Variants in RNF6 observed in about 807,000 individuals in gnomAD.
RNF6 encodes the protein E3 ubiquitin-protein ligase RNF6.
In RNF6, 21 loss-of-function variants were observed where a neutral mutation model predicts 50.1. The ratio of observed to expected loss-of-function variants is 0.42; its 90% CI spans 0.30 to 0.60. The LOEUF (loss-of-function observed/expected upper bound fraction) is 0.60, where lower values mean the gene tolerates loss of function less well. Among genes scored for constraint, RNF6 ranks in the 20% least tolerant of loss-of-function variants. The pLI, the probability that RNF6 is intolerant of heterozygous loss-of-function variation, is 0.20. For synonymous variants in RNF6, 255 were observed against 291.8 expected (o/e 0.87, Z 1.29); for missense variants, 698 against 838.2 (o/e 0.83, Z 2.07).
At chr13:26,186,403 T>C (rs998249706) in intron 5 of RNF6, among the ~76,000 whole-genome samples, 13 of 152,236 alleles carry the variant, frequency 8.5e-5, no homozygotes, top group African/African-American at 2.9e-4. Context: ...AACGCGCTCG[T>C]TGGGCCGCAG....
At chr13:26,161,080 A>T (rs1430161834) in intron 5 of RNF6, among the ~76,000 whole-genome samples, 1 of 152,196 alleles carries the variant, frequency 6.6e-6, no homozygotes. Flanking sequence ...AAAAGAAAAA[A>T]AAGTTATCCT....
At chr13:26,211,439 A>G (rs1394815391), downstream of RNF6, among the ~76,000 whole-genome samples, 2 of 152,144 alleles carry the variant, frequency 1.3e-5, no homozygotes, top group Non-Finnish European at 2.9e-5. Flanking sequence ...CCAGGGAGGT[A>G]GAACTTCCTG....
chr13:26,220,755 G>A (rs1253409022), intron 2 of RNF6, among the ~76,000 whole-genome samples: 1 of 152,206 alleles, frequency 6.6e-6, no homozygotes, highest in Non-Finnish European at 1.5e-5. Flanking sequence ...TACAGCACCT[G>A]ACTCAGTAGA....
At position 26,213,807 on chromosome 13, in the gene RNF6, G is replaced by A. The variant is rs755801417; in HGVS notation, c.*17C>T. 1 of 1,568,562 alleles carries A rather than the reference G, an allele frequency of 6.4e-7. No individual in the cohort carries two copies. Among genetic ancestry groups the A allele is most frequent in the Non-Finnish European group, 8.7e-7 (1 of 1,152,782 alleles). On this transcript the variant is annotated 3_prime_UTR_variant, in exon 5 of 5. Transcript: ENST00000381588. ...TCAGTTCTACTAAAAAACAGTATTT[G>A]AGTAGATCCCATCACCTTACCCATT...
rs888922381 is a variant in RNF6, at chr13:26,175,284, T to C, written n.768+40190A>G. Among the ~76,000 whole-genome samples, 3 of 152,190 alleles carry C rather than the reference T, an allele frequency of 2.0e-5. No homozygotes were observed. The East Asian group carries it at 5.8e-4, about 29-fold the overall frequency. The stretch of plus-strand genomic sequence containing the variant: ...TTAGTAGAGACGGGGTTTGGCCATG[T>C]TGGCCAGGCTGGTCTCAAACTCCTG... On this transcript the variant is annotated intron_variant and non_coding_transcript_variant, in intron 5 of 5. Coordinates refer to the RNF6 transcript ENST00000468480.
chr13:26,167,134 A>G (rs1872490239), intron 5 of RNF6, among the ~76,000 whole-genome samples: 1 of 152,250 alleles, frequency 6.6e-6, no homozygotes, highest in African/African-American at 2.4e-5. Flanking sequence ...CATTCTGGAC[A>G]TAGGAACTGG....
downstream of RNF6, among the ~76,000 whole-genome samples, chr13:26,211,675 T>C (rs1869331174): frequency 6.6e-6 from 1 of 152,104 alleles, no homozygotes; most frequent in Non-Finnish European, 1.5e-5. Context: ...GGAGAATTGC[T>C]TGAACCTGTG....
At chr13:26,218,419 T>A in intron 4 of RNF6, 92 bp downstream of exon 4, 1 of 955,458 alleles carries the variant, frequency 1.0e-6, no homozygotes. Context: ...CTGGAAAAAA[T>A]TGAAGACAAA....
chr13:26,157,882 A>AGATGGATGGATGGATG (rs61591240), intron 5 of RNF6, among the ~76,000 whole-genome samples: 4 of 149,200 alleles, frequency 2.7e-5, no homozygotes, highest in African/African-American at 7.5e-5. Flanking sequence ...AGAGAAAAAG[A>AGATGGATGGATGGATG]GATGGATGGA....
At chr13:26,194,388 T>C (rs997835040) in intron 5 of RNF6, among the ~76,000 whole-genome samples, 3 of 152,230 alleles carry the variant, frequency 2.0e-5, no homozygotes, top group East Asian at 3.9e-4. Flanking sequence ...GAAGAAAAAC[T>C]GAAGAACACT....
At chr13:26,222,529 A>T (rs1870625450), upstream of RNF6, 1 of 152,408 alleles carries the variant, frequency 6.6e-6, no homozygotes, top group African/African-American at 2.4e-5. Context: ...GCCAGACTAT[A>T]AAGTGCACCC....
Position 26,213,674 on chromosome 13 carries a change from A to T in RNF6, c.*150T>A. The T allele has an allele frequency of 2.0e-6, 1 of 495,150 alleles. No individual in the cohort carries two copies. The highest frequency in any genetic ancestry group is 3.3e-6 in the Non-Finnish European group (1 of 298,738). 30.7% of individuals were successfully genotyped at this position (495,150 alleles called of 1,614,324 possible). A position where few individuals can be genotyped will look rare whatever the true frequency, so the allele number is the denominator to read the frequency against. On this transcript the variant is annotated 3_prime_UTR_variant, in exon 5 of 5. Coordinates refer to ENST00000381588, the MANE Select transcript of RNF6 (RefSeq NM_005977.4). ...TTAAATTTTATATAAATTTCTTTTTAACAAGTTTAAAAAAGCACACGAAAA... is the reference window on the plus strand; with the variant it reads ...TTAAATTTTATATAAATTTCTTTTTTACAAGTTTAAAAAAGCACACGAAAA...
chr13:26,194,661 T>C (rs1477768371), intron 5 of RNF6, among the ~76,000 whole-genome samples: 1 of 152,144 alleles, frequency 6.6e-6, no homozygotes, highest in African/African-American at 2.4e-5. Context: ...TATGAGTTTA[T>C]TAAGTATTAA....
chr13:26,152,596 C>T (rs1261914609), intron 5 of RNF6, among the ~76,000 whole-genome samples: 1 of 152,156 alleles, frequency 6.6e-6, no homozygotes, highest in African/African-American at 2.4e-5. Flanking sequence ...CAGATTTTGA[C>T]ACATGCTATG....
intron 5 of RNF6, among the ~76,000 whole-genome samples, chr13:26,201,930 C>T (rs928030773): frequency 6.6e-5 from 10 of 152,132 alleles, no homozygotes; most frequent in African/African-American, 2.4e-4. Context: ...GCTGCAAGGA[C>T]TAACTTCTTA....
At chr13:26,162,881 A>G (rs189224793) in intron 5 of RNF6, among the ~76,000 whole-genome samples, 4 of 152,262 alleles carry the variant, frequency 2.6e-5, no homozygotes, top group Non-Finnish European at 4.4e-5. Context: ...TCTGTAGCAC[A>G]TTGATTCCAA....
chr13:26,134,160 C>T (rs1213020615), intron 5 of RNF6, among the ~76,000 whole-genome samples: 6 of 152,246 alleles, frequency 3.9e-5, no homozygotes, highest in Non-Finnish European at 8.8e-5. Context: ...TGATACTTTC[C>T]TGGCATGAAG....
intron 5 of RNF6, among the ~76,000 whole-genome samples, chr13:26,140,800 A>C (rs1870898682): frequency 2.0e-5 from 3 of 152,238 alleles, no homozygotes; most frequent in Non-Finnish European, 4.4e-5. Flanking sequence ...ACACAAAATC[A>C]GTGTATGAAA....
chr13:26,223,066 C>T (rs543011280), upstream of RNF6, among the ~76,000 whole-genome samples: 2 of 152,238 alleles, frequency 1.3e-5, no homozygotes, highest in Admixed American at 1.3e-4. Context: ...TGGTATAGTC[C>T]CCTTTCCTGA....
Sources: allele counts gnomAD v4.1 joint callset (sites outside exome capture counted in the v4.1 genomes callset), GRCh38; gene constraint gnomAD v4.1.1; transcripts MANE v1.5; gene names NCBI Gene and HGNC (gene_info 2026-07-23, HGNC 2026-07-21).